TMCO5A: variants seen among roughly 807,000 people sequenced by gnomAD.
TMCO5A encodes the protein transmembrane and coiled-coil domain-containing protein 5A.
TMCO5A carries 34 observed loss-of-function variants against 42.3 expected under a neutral mutation model. That is an observed-to-expected ratio of 0.80 (90% CI 0.61 to 1.07). The LOEUF (loss-of-function observed/expected upper bound fraction) is 1.07. Among genes scored for constraint, TMCO5A ranks in the 50% least tolerant of loss-of-function variants. TMCO5A has a pLI of 0.00. For synonymous variants in TMCO5A, 131 were observed against 115.6 expected (o/e 1.13, Z -0.86); for missense variants, 357 against 327.9 (o/e 1.09, Z -0.69).
chr15:37,937,432 C>T, intron 5 of TMCO5A, 36 bp downstream of exon 5: 5 of 1,608,864 alleles, frequency 3.1e-6, no homozygotes, highest in South Asian at 2.2e-5. Context: ...AGTGCCCCCA[C>T]AACAGCCCCA....
At chr15:37,986,376 GGATGGTGTGTGTGT>G in the TMCO5A span, among the ~76,000 whole-genome samples, 136 of 128,764 alleles carry the variant, frequency 1.1e-3, no homozygotes, top group Non-Finnish European at 2.1e-3. Context: ...GGGGGGTAAG[GGATGGTGTGTGTGT>G]GTGTGTGTGT....
chr15:37,942,068 G>A (rs1200543425), intron 8 of TMCO5A, 123 bp from the exon 9 acceptor site: 4 of 898,350 alleles, frequency 4.5e-6, no homozygotes, highest in East Asian at 2.4e-5. Flanking sequence ...TATGAAAGCA[G>A]AGAAAGTGGC....
At position 37,951,028 on chromosome 15, in the gene TMCO5A, C is replaced by T. The variant is rs1232206043; in HGVS notation, c.669-8C>T. The T allele has an allele frequency of 1.9e-6, 3 of 1,610,300 alleles. No individual in the cohort carries two copies. The highest frequency in any genetic ancestry group is 1.7e-5 in the Admixed American group (1 of 59,732). On this transcript the variant is annotated splice_region_variant and splice_polypyrimidine_tract_variant and intron_variant, in intron 11 of 11. Coordinates refer to ENST00000319669, the MANE Select transcript of TMCO5A (RefSeq NM_152453.4). ...CTGGTTAACAGTTTCATGGCATTCT[C>T]TTTTTAGGATTTTTTGCTGTCTCTT...
the TMCO5A span, among the ~76,000 whole-genome samples, chr15:37,980,144 A>T: frequency 1.3e-5 from 2 of 152,276 alleles, no homozygotes; most frequent in Admixed American, 1.3e-4. Context: ...TTCAGGCGGT[A>T]CCGGCGGCTG....
the TMCO5A span, among the ~76,000 whole-genome samples, chr15:38,037,684 T>C: frequency 6.6e-6 from 1 of 152,124 alleles, no homozygotes; most frequent in Non-Finnish European, 1.5e-5. Flanking sequence ...TCCCACATCA[T>C]AGAGAGGTGA....
chr15:37,984,628 G>A, the TMCO5A span: 4 of 151,126 alleles, frequency 2.6e-5, no homozygotes, highest in East Asian at 7.8e-4. Context: ...ACAAGGCAGG[G>A]CCTTTGGGAG....
chr15:38,031,278 C>T, the TMCO5A span, among the ~76,000 whole-genome samples: 30 of 152,204 alleles, frequency 2.0e-4, no homozygotes, highest in African/African-American at 5.1e-4. Flanking sequence ...AACTCAATTC[C>T]GCTGGGTCCC....
At chr15:37,996,616 A>G in the TMCO5A span, among the ~76,000 whole-genome samples, 1 of 152,238 alleles carries the variant, frequency 6.6e-6, no homozygotes, top group Non-Finnish European at 1.5e-5. Flanking sequence ...TACCAGGTGT[A>G]TAAACAAATA....
chr15:37,938,529 T>A (rs1007163117), intron 6 of TMCO5A, among the ~76,000 whole-genome samples: 2 of 152,112 alleles, frequency 1.3e-5, no homozygotes, highest in South Asian at 4.1e-4. Context: ...GTGTGTGAAG[T>A]TGGGTAATTT....
chr15:38,003,897 G>C, the TMCO5A span, among the ~76,000 whole-genome samples: 13 of 152,116 alleles, frequency 8.5e-5, no homozygotes, highest in African/African-American at 2.7e-4. Context: ...ACACCGCTGA[G>C]TAGAGCTGGT....
the TMCO5A span, among the ~76,000 whole-genome samples, chr15:37,976,497 T>C: frequency 6.6e-6 from 1 of 152,176 alleles, no homozygotes; most frequent in Non-Finnish European, 1.5e-5. Flanking sequence ...TCCGTAACTA[T>C]GTTTTCCAAG....
chr15:37,968,199 C>T (rs1331021207), downstream of TMCO5A, among the ~76,000 whole-genome samples: 1 of 152,130 alleles, frequency 6.6e-6, no homozygotes, highest in Non-Finnish European at 1.5e-5. Flanking sequence ...CCCTACTCTG[C>T]CCTGTGCTCC....
chr15:38,014,853 TTA>T, the TMCO5A span, among the ~76,000 whole-genome samples: 1,536 of 54,114 alleles, frequency 0.028, 11 homozygotes, highest in East Asian at 0.037. Context: ...AGGAGAAAGA[TTA>T]TATATATATA....
the TMCO5A span, among the ~76,000 whole-genome samples, chr15:37,976,679 C>T: frequency 6.6e-6 from 1 of 151,972 alleles, no homozygotes; most frequent in African/African-American, 2.4e-5. Context: ...ATTCTTTCCT[C>T]AGCTTGGTTG....
the TMCO5A span, among the ~76,000 whole-genome samples, chr15:37,988,954 G>A: frequency 1.3e-5 from 2 of 151,944 alleles, no homozygotes; most frequent in Non-Finnish European, 2.9e-5. Flanking sequence ...TTTCTCCAGT[G>A]ATGCCATCAG....
chr15:38,022,955 T>C, the TMCO5A span, among the ~76,000 whole-genome samples: 4 of 152,180 alleles, frequency 2.6e-5, no homozygotes, highest in African/African-American at 9.6e-5. Context: ...TATTTCCTCT[T>C]GAAAACACTC....
the TMCO5A span, among the ~76,000 whole-genome samples, chr15:38,008,870 C>A: frequency 6.6e-6 from 1 of 152,168 alleles, no homozygotes; most frequent in Non-Finnish European, 1.5e-5. Flanking sequence ...GCAGGCATGT[C>A]ACATTGAGGA....
chr15:37,994,394 C>G, the TMCO5A span, among the ~76,000 whole-genome samples: 2 of 152,206 alleles, frequency 1.3e-5, no homozygotes, highest in Non-Finnish European at 2.9e-5. Context: ...CACATATTCC[C>G]TGAGCTGGAG....
chr15:37,948,414 G>C (rs1225756755), intron 11 of TMCO5A, among the ~76,000 whole-genome samples: 1 of 152,010 alleles, frequency 6.6e-6, no homozygotes, highest in Non-Finnish European at 1.5e-5. Context: ...AATTATTGGT[G>C]GTTAAAGGTC....
Sources: allele counts gnomAD v4.1 joint callset (sites outside exome capture counted in the v4.1 genomes callset), GRCh38; gene constraint gnomAD v4.1.1; transcripts MANE v1.5; gene names NCBI Gene and HGNC (gene_info 2026-07-23, HGNC 2026-07-21).